The following GABRB1 variants were observed in gnomAD, a reference collection of about 807,000 sequenced individuals.
GABRB1 encodes gamma-aminobutyric acid receptor subunit beta-1.
In GABRB1, 17 loss-of-function variants were observed where a neutral mutation model predicts 51.6. The observed-to-expected ratio is 0.33, with a 90% CI of 0.23 to 0.49. The LOEUF is 0.49. GABRB1 is among the 20% of genes least tolerant of loss of function. The probability of loss-of-function intolerance (pLI) is 0.99; values close to 1 mark genes in which losing one functional copy is unlikely to be tolerated. For missense variants in GABRB1, 410 were observed against 600.6 expected (o/e 0.68, Z 3.32); for synonymous variants, 247 against 218.9 (o/e 1.13, Z -1.14).
intron 3 of GABRB1, among the ~76,000 whole-genome samples, chr4:47,098,475 A>G (rs544451612): frequency 6.6e-6 from 1 of 152,200 alleles, no homozygotes; most frequent in African/African-American, 2.4e-5. Flanking sequence ...TAGGGTTTCT[A>G]CAAAATGTTA....
At chr4:47,127,942 A>G (rs928633487) in intron 3 of GABRB1, among the ~76,000 whole-genome samples, 1 of 151,772 alleles carries the variant, frequency 6.6e-6, no homozygotes, top group African/African-American at 2.4e-5. Flanking sequence ...AAGCAGGAAA[A>G]GGAGAAAAAT....
intron 4 of GABRB1, among the ~76,000 whole-genome samples, chr4:47,222,171 AC>A (rs908811870): frequency 1.3e-5 from 2 of 152,128 alleles, no homozygotes; most frequent in Non-Finnish European, 2.9e-5. Context: ...GTGCCAGGCT[AC>A]TCACATTTCT....
At chr4:47,008,030 A>C (rs753454269) in intron 1 of GABRB1, among the ~76,000 whole-genome samples, 2 of 151,992 alleles carry the variant, frequency 1.3e-5, no homozygotes, top group Non-Finnish European at 2.9e-5. Context: ...GCCCTTACGC[A>C]TTATTGGTGA....
At chr4:47,018,912 C>T (rs1242673766) in intron 1 of GABRB1, among the ~76,000 whole-genome samples, 5 of 152,124 alleles carry the variant, frequency 3.3e-5, no homozygotes, top group Non-Finnish European at 4.4e-5. Context: ...CCATGTTTTT[C>T]AAGATTCAGT....
At chr4:47,298,155 G>A (rs1265266995) in intron 4 of GABRB1, among the ~76,000 whole-genome samples, 7 of 152,106 alleles carry the variant, frequency 4.6e-5, no homozygotes, top group Admixed American at 2.0e-4. Context: ...GCAAAAACTG[G>A]AAGCATTCCC....
At chr4:47,262,701 C>G (rs1024423684) in intron 4 of GABRB1, among the ~76,000 whole-genome samples, 2 of 152,126 alleles carry the variant, frequency 1.3e-5, no homozygotes, top group Admixed American at 1.3e-4. Flanking sequence ...TGGGTATATA[C>G]CCAAGGGACT....
chr4:47,222,334 A>G (rs1348147399), intron 4 of GABRB1, among the ~76,000 whole-genome samples: 2 of 152,154 alleles, frequency 1.3e-5, no homozygotes, highest in Non-Finnish European at 2.9e-5. Flanking sequence ...GCACGTTGCT[A>G]CAGTAATGGT....
At chr4:47,425,389 A>ACACG (rs1729236045) in intron 8 of GABRB1, among the ~76,000 whole-genome samples, 1 of 150,896 alleles carries the variant, frequency 6.6e-6, no homozygotes, top group Non-Finnish European at 1.5e-5. Flanking sequence ...ACACACACAC[A>ACACG]CACACACACA....
At chr4:47,207,213 T>A (rs531770958) in intron 4 of GABRB1, among the ~76,000 whole-genome samples, 66 of 152,116 alleles carry the variant, frequency 4.3e-4, no homozygotes, top group Non-Finnish European at 9.0e-4. Flanking sequence ...ATCTCCATAG[T>A]CAATCCATTA....
intron 4 of GABRB1, among the ~76,000 whole-genome samples, chr4:47,179,396 A>G (rs1018718883): frequency 6.6e-6 from 1 of 152,156 alleles, no homozygotes. Flanking sequence ...ATCTAGAACC[A>G]GAAATAACCA....
intron 3 of GABRB1, among the ~76,000 whole-genome samples, chr4:47,160,381 C>A (rs184925874): frequency 1.7e-3 from 258 of 152,268 alleles, no homozygotes; most frequent in South Asian, 0.01. Flanking sequence ...TGCCTCATAA[C>A]TACTTTTCAG....
At chr4:47,150,532 A>C (rs965027918) in intron 3 of GABRB1, among the ~76,000 whole-genome samples, 1 of 151,964 alleles carries the variant, frequency 6.6e-6, no homozygotes, top group East Asian at 1.9e-4. Context: ...AAGTAAAATG[A>C]GTTATATTTC....
intron 3 of GABRB1, among the ~76,000 whole-genome samples, chr4:47,147,225 A>G (rs1007648545): frequency 2.0e-5 from 3 of 152,008 alleles, no homozygotes; most frequent in Non-Finnish European, 4.4e-5. Flanking sequence ...CTCCTCAAGT[A>G]TTTACATTCT....
intron 3 of GABRB1, among the ~76,000 whole-genome samples, chr4:47,040,546 G>A (rs1283075961): frequency 6.6e-6 from 1 of 152,034 alleles, no homozygotes; most frequent in African/African-American, 2.4e-5. Context: ...GGAACCCAGG[G>A]CCAGGAGCAC....
intron 3 of GABRB1, among the ~76,000 whole-genome samples, chr4:47,038,829 G>A (rs1725707060): frequency 6.6e-6 from 1 of 152,178 alleles, no homozygotes; most frequent in South Asian, 2.1e-4. Flanking sequence ...AGGTTTCAGT[G>A]AGGGGGCTCA....
At chr4:47,184,291 G>A (rs931404699) in intron 4 of GABRB1, among the ~76,000 whole-genome samples, 1 of 151,792 alleles carries the variant, frequency 6.6e-6, no homozygotes, top group Non-Finnish European at 1.5e-5. Flanking sequence ...TCTTGTATGT[G>A]TTATGTCTCA....
intron 4 of GABRB1, among the ~76,000 whole-genome samples, chr4:47,283,967 A>G (rs992807468): frequency 3.3e-5 from 5 of 151,932 alleles, no homozygotes; most frequent in Admixed American, 1.3e-4. Context: ...ACGCGGTGGC[A>G]GGTGTCTGTA....
intron 3 of GABRB1, among the ~76,000 whole-genome samples, chr4:47,034,889 G>T (rs1399949995): frequency 6.6e-6 from 1 of 152,080 alleles, no homozygotes; most frequent in African/African-American, 2.4e-5. Context: ...AAGACTTATT[G>T]CTTATTGCTT....
At chr4:47,024,582 A>T (rs951556997) in intron 1 of GABRB1, among the ~76,000 whole-genome samples, 10 of 151,724 alleles carry the variant, frequency 6.6e-5, no homozygotes, top group African/African-American at 2.4e-4. Flanking sequence ...AAAATTTTTT[A>T]TTTCCATACA....
Sources: gnomAD v4.1 joint callset for allele counts (sites outside exome capture counted in the v4.1 genomes callset) on GRCh38, gnomAD v4.1.1 for gene constraint, MANE v1.5 for transcripts, NCBI Gene and HGNC (gene_info 2026-07-23, HGNC 2026-07-21) for gene names.